TCERG1: variants seen among roughly 807,000 people sequenced by gnomAD.
TCERG1 encodes the protein transcription elongation regulator 1, also known as TATA box binding protein (TBP)-associated factor, RNA polymerase II, S, 150kD.
A neutral mutation model predicts 144.7 loss-of-function variants in TCERG1; 37 were observed. That is an observed-to-expected ratio of 0.26 (90% CI 0.20 to 0.34). The LOEUF is 0.34. Among genes scored for constraint, TCERG1 ranks in the 10% least tolerant of loss-of-function variants. TCERG1 has a pLI of 1.00. For missense variants in TCERG1, 1,027 were observed against 1,380.7 expected (o/e 0.74, Z 4.06); for synonymous variants, 492 against 458.2 (o/e 1.07, Z -0.94).
Position 146,459,203 on chromosome 5 carries a change from C to T in TCERG1, c.758C>T (p.Ala253Val), listed in dbSNP as rs141891503. 35 of 1,614,282 alleles carry T rather than the reference C, an allele frequency of 2.2e-5. No individual in the cohort carries two copies. In the Admixed American group the frequency reaches 4.5e-4, roughly 21 times the overall value. Residue 253 changes from alanine (A) to valine (V), a missense_variant, in exon 4 of 23, where the codon GCA becomes GTA. This residue lies in a region of TCERG1 where 187 missense variants were observed against 169.1 expected (regional missense o/e 1.11). Coordinates refer to ENST00000679501, the MANE Select transcript of TCERG1 (RefSeq NM_001382548.1). ...VQAQVQAQVQ[A>V]QAVGASTPTT... ...GCCCAGGTCCAGGCACAAGTGCAAGCACAAGCAGTTGGAGCTTCCACCCCT... is the reference window on the plus strand; with the variant it reads ...GCCCAGGTCCAGGCACAAGTGCAAGTACAAGCAGTTGGAGCTTCCACCCCT...
intron 14 of TCERG1, 102 bp from the exon 15 acceptor site, chr5:146,483,438 G>T: frequency 1.0e-6 from 1 of 994,786 alleles, no homozygotes; most frequent in Non-Finnish European, 1.5e-6. Context: ...ATGGTTTTAT[G>T]TCTCCTTTAT....
chr5:146,451,319 CTTTT>C (rs56346846), intron 1 of TCERG1, among the ~76,000 whole-genome samples: 90 of 138,886 alleles, frequency 6.5e-4, no homozygotes, highest in African/African-American at 2.3e-3. Flanking sequence ...ATCCATATTC[CTTTT>C]TTTTTTTTTT....
chr5:146,504,673 C>T (rs574737728), intron 19 of TCERG1, among the ~76,000 whole-genome samples: 21 of 152,324 alleles, frequency 1.4e-4, no homozygotes, highest in African/African-American at 5.1e-4. Flanking sequence ...GCATCTGTTT[C>T]TTACTCTACC....
chr5:146,488,782 A>C (rs1357009447), intron 15 of TCERG1, among the ~76,000 whole-genome samples: 1 of 152,224 alleles, frequency 6.6e-6, no homozygotes, highest in Non-Finnish European at 1.5e-5. Context: ...CCTAATGTTT[A>C]CTGTAGCACT....
rs1322916649 is a variant in TCERG1, at chr5:146,511,729, T to C, written c.*1087T>C. ...GCTCAAGTCTCTTAGCAGTGCCTTA[T>C]TGCCTCATAGCAAGAAGATGCTGGG... On this transcript the variant is annotated 3_prime_UTR_variant, in exon 23 of 23. Transcript: ENST00000679501. 6.6e-6 allele frequency: 1 copy of C among 152,280 alleles called. No individual in the cohort carries two copies. The highest frequency in any genetic ancestry group is 2.4e-5 in the African/African-American group (1 of 41,456). 9.4% of individuals were successfully genotyped at this position (152,280 alleles called of 1,614,324 possible).
At chr5:146,466,563 G>A (rs1392485962) in intron 5 of TCERG1, among the ~76,000 whole-genome samples, 1 of 151,890 alleles carries the variant, frequency 6.6e-6, no homozygotes, top group Non-Finnish European at 1.5e-5. Context: ...AATAATTTGA[G>A]GACAGAGTTG....
intron 10 of TCERG1, 27 bp from the exon 11 acceptor site, chr5:146,479,828 T>G: frequency 6.2e-7 from 1 of 1,612,624 alleles, no homozygotes; most frequent in Non-Finnish European, 8.5e-7. Context: ...AATGACTTTG[T>G]AACAATATTT....
In TCERG1 at chr5:146,482,469, T is replaced by C. The variant is rs868320379; in HGVS notation, c.1938-123T>C. 163 of 885,310 alleles carry C rather than the reference T, an allele frequency of 1.8e-4. 1 individual carries two copies. In the Middle Eastern group the frequency reaches 2.3e-3, roughly 13 times the overall value. The allele number at this position is 885,310 out of a possible 1,614,324, so 54.8% of individuals were successfully genotyped here. A position where few individuals can be genotyped will look rare whatever the true frequency, so the allele number is the denominator to read the frequency against. ...TTCATTTGAAACCCTCAATATAATT[T>C]GTTTTTGCCAAAAATATGCTGCTCA... On this transcript the variant is annotated intron_variant, in intron 13 of 22. Transcript: ENST00000679501.
intron 10 of TCERG1, 72 bp from the exon 11 acceptor site, chr5:146,479,783 A>T (rs1561670887): frequency 1.3e-6 from 2 of 1,484,146 alleles, no homozygotes; most frequent in South Asian, 1.2e-5. Flanking sequence ...TGTAAACAGT[A>T]ATTTTTAAAA....
Position 146,503,425 on chromosome 5 carries a change from G to T in TCERG1, c.2484G>T (p.Gln828His). The T allele has an allele frequency of 6.2e-7, 1 of 1,613,764 alleles. No homozygotes were observed. Among genetic ancestry groups the T allele is most frequent in the Non-Finnish European group, 8.5e-7 (1 of 1,179,822 alleles). The change falls in exon 18 of 23, where the codon CAG becomes CAT. Residue 828 changes from glutamine (Q) to histidine (H), a missense_variant. Gln to His is a conservative substitution (Grantham distance 24, BLOSUM62 0). Transcript: ENST00000679501. ...TATCTAATCATCACTTGGACAGTCA[G>T]TCTCGATGGAGCAAAGTAAAAGACA... ...ELLSNHHLDSQSRWSKVKDKV... is the reference protein window; with the variant it reads ...ELLSNHHLDSHSRWSKVKDKV...
chr5:146,456,475 T>TC (rs1762846866), intron 2 of TCERG1, among the ~76,000 whole-genome samples: 1 of 152,170 alleles, frequency 6.6e-6, no homozygotes, highest in Admixed American at 6.5e-5. Flanking sequence ...TTATATTAAG[T>TC]CCAAGTGATT....
At chr5:146,484,525 T>G (rs1765648770) in intron 15 of TCERG1, among the ~76,000 whole-genome samples, 1 of 152,184 alleles carries the variant, frequency 6.6e-6, no homozygotes, top group African/African-American at 2.4e-5. Flanking sequence ...CCATTATGCA[T>G]GTAGGTCTAA....
At position 146,469,755 on chromosome 5, in the gene TCERG1, G is replaced by T. The variant is rs754302262; in HGVS notation, c.1399+11G>T. 9.0e-6 allele frequency: 14 copies of T among 1,549,016 alleles called. No individual in the cohort carries two copies. On this transcript the variant is annotated intron_variant, in intron 7 of 22. Coordinates refer to ENST00000679501, the MANE Select transcript of TCERG1 (RefSeq NM_001382548.1). Reference sequence around the variant, plus strand: ...AACTAAAGGAAAAAGGTATATAGTGGTTTTAATGACTTGGAAAGTAGTATA... The same window carrying T: ...AACTAAAGGAAAAAGGTATATAGTGTTTTTAATGACTTGGAAAGTAGTATA...
intron 16 of TCERG1, 127 bp from the exon 17 acceptor site, chr5:146,498,408 GT>G: frequency 1.1e-6 from 1 of 950,108 alleles, no homozygotes; most frequent in Non-Finnish European, 1.5e-6. Flanking sequence ...ACTGTTCACT[GT>G]TAGGTAGATG....
intron 21 of TCERG1, 63 bp downstream of exon 21, chr5:146,508,019 G>T: frequency 8.5e-7 from 1 of 1,171,346 alleles, no homozygotes; most frequent in Non-Finnish European, 1.2e-6. Context: ...GGGCCTAACA[G>T]CACTACTATC....
At chr5:146,494,801 T>C (rs1352550908) in intron 16 of TCERG1, among the ~76,000 whole-genome samples, 2 of 152,124 alleles carry the variant, frequency 1.3e-5, no homozygotes, top group African/African-American at 4.8e-5. Context: ...CTGTCTCTTG[T>C]ATGTCGTTTT....
At chr5:146,492,827 G>A (rs1766553587) in intron 15 of TCERG1, 93 bp from the exon 16 acceptor site, 1 of 843,158 alleles carries the variant, frequency 1.2e-6, no homozygotes, top group African/African-American at 1.8e-5. Context: ...ATTTTTCCTG[G>A]TATAGTTTGG....
chr5:146,479,578 G>A (rs1765160878), intron 10 of TCERG1, among the ~76,000 whole-genome samples: 1 of 151,988 alleles, frequency 6.6e-6, no homozygotes, highest in Non-Finnish European at 1.5e-5. Context: ...ATACATTAAC[G>A]TGCATTGTTA....
intron 2 of TCERG1, 51 bp downstream of exon 2, chr5:146,455,332 A>G: frequency 6.3e-7 from 1 of 1,588,352 alleles, no homozygotes; most frequent in Non-Finnish European, 8.6e-7. Flanking sequence ...TATCAATATT[A>G]TATATGGGTT....
Sources: allele counts gnomAD v4.1 joint callset (sites outside exome capture counted in the v4.1 genomes callset), GRCh38; gene constraint gnomAD v4.1.1; regional missense constraint gnomAD v4.1.1; transcripts MANE v1.5; gene names NCBI Gene and HGNC (gene_info 2026-07-23, HGNC 2026-07-21).